The following HPS1 variants were observed in gnomAD, a reference collection of about 807,000 sequenced individuals.
HPS1 encodes HPS1 biogenesis of lysosomal organelles complex 3 subunit 1.
Under a neutral mutation model 90.6 loss-of-function variants are expected in HPS1, and 59 were observed. The observed-to-expected ratio is 0.65, with a 90% CI of 0.53 to 0.81. The LOEUF (loss-of-function observed/expected upper bound fraction) is 0.81, where lower values mean the gene tolerates loss of function less well. Among genes scored for constraint, HPS1 ranks in the 30% least tolerant of loss-of-function variants. HPS1 has a pLI of 0.00. For missense variants in HPS1, 849 were observed against 896.7 expected, an observed-to-expected ratio of 0.95 and a Z score of 0.68; for synonymous variants, 388 against 384.4, an observed-to-expected ratio of 1.01 and a Z score of -0.11.
At chr10:98,424,041 C>G (rs1845267097) in intron 14 of HPS1, among the ~76,000 whole-genome samples, 154 bp from the exon 15 acceptor site, 2 of 152,066 alleles carry the variant, frequency 1.3e-5, no homozygotes, top group South Asian at 2.1e-4. Context: ...GACAGACCAA[C>G]CTGGGGAGCC....
intron 18 of HPS1, among the ~76,000 whole-genome samples, chr10:98,419,045 G>A (rs759592847): frequency 1.2e-4 from 18 of 152,182 alleles, no homozygotes; most frequent in Non-Finnish European, 2.4e-4. Flanking sequence ...TGGCCATGGC[G>A]TCTGATCTCC....
chr10:98,429,436 C>T, intron 10 of HPS1, 137 bp downstream of exon 10: 1 of 1,559,722 alleles, frequency 6.4e-7, no homozygotes, highest in Non-Finnish European at 8.7e-7. Flanking sequence ...AGACAGCGTC[C>T]TGTGCTCTAG....
At chr10:98,415,809 CTG>C (rs1844030966), downstream of HPS1, among the ~76,000 whole-genome samples, 1 of 152,232 alleles carries the variant, frequency 6.6e-6, no homozygotes, top group African/African-American at 2.4e-5. Context: ...AGTTCGCTGT[CTG>C]TAATTCTCTG....
chr10:98,442,859 C>T (rs558428257), intron 3 of HPS1: 10 of 484,684 alleles, frequency 2.1e-5, no homozygotes, highest in East Asian at 7.9e-5. Flanking sequence ...TCTTCTGTTA[C>T]GTGATAAAAT....
At chr10:98,415,082 CG>C, downstream of HPS1, 1 of 1,614,078 alleles carries the variant, frequency 6.2e-7, no homozygotes, top group Middle Eastern at 1.6e-4. Flanking sequence ...GTCTCCACGC[CG>C]GGAAGGGAGA....
rs774731641 is a variant in HPS1, at chr10:98,429,848, C to T, written c.810G>A (p.Val270=). 1.9e-6 allele frequency: 3 copies of T among 1,613,510 alleles called. No homozygotes were observed. The highest frequency in any genetic ancestry group is 3.3e-5 in the Admixed American group (2 of 60,028). ...TGGAGTGAGGGCTCCAGGCCTGCTG[C>T]ACGGGGATGTTCTGGCTGCTCCGGG... The part of the protein sequence containing the change: ...RRARSSQNIP[V]QQAWSPHSTG... The change falls in exon 9 of 20, where the codon GTG becomes GTA. Residue 270 remains valine, a synonymous_variant. Coordinates refer to ENST00000361490, the MANE Select transcript of HPS1 (RefSeq NM_000195.5).
At chr10:98,427,124 G>A in intron 11 of HPS1, 91 bp downstream of exon 11, 2 of 1,109,294 alleles carry the variant, frequency 1.8e-6, no homozygotes, top group Non-Finnish European at 1.3e-6. Context: ...CACGGGTAGA[G>A]TCACCCTGGA....
chr10:98,429,398 G>A (rs146606153), intron 10 of HPS1, 175 bp downstream of exon 10: 2 of 1,534,678 alleles, frequency 1.3e-6, no homozygotes, highest in Non-Finnish European at 1.7e-6. Flanking sequence ...AGTTCAGGCT[G>A]GAGCTGGCAG....
At chr10:98,415,036 C>G (rs1370655929), downstream of HPS1, 14 of 1,613,810 alleles carry the variant, frequency 8.7e-6, no homozygotes, top group Non-Finnish European at 1.1e-5. Flanking sequence ...GCATCATACT[C>G]AGGCTTCAGA....
chr10:98,430,835 A>C (rs1297466696), intron 7 of HPS1, among the ~76,000 whole-genome samples, 165 bp from the exon 8 acceptor site: 1 of 152,238 alleles, frequency 6.6e-6, no homozygotes, highest in Admixed American at 6.5e-5. Flanking sequence ...TTTCAAAATA[A>C]AACTTGGTTG....
intron 18 of HPS1, among the ~76,000 whole-genome samples, chr10:98,418,470 G>C (rs1213180994): frequency 6.6e-6 from 1 of 152,334 alleles, no homozygotes; most frequent in Middle Eastern, 3.4e-3. Context: ...GGGCCGGCAG[G>C]GTAGCTCTCA....
At chr10:98,429,730 T>C (rs1846125277) in intron 9 of HPS1, 61 bp downstream of exon 9, 1 of 1,613,754 alleles carries the variant, frequency 6.2e-7, no homozygotes, top group Admixed American at 1.7e-5. Flanking sequence ...GGGAAAGGCC[T>C]GGTCGCCTGC....
At chr10:98,440,164 C>T (rs1376226742) in intron 3 of HPS1, among the ~76,000 whole-genome samples, 3 of 152,084 alleles carry the variant, frequency 2.0e-5, no homozygotes, top group African/African-American at 7.2e-5. Flanking sequence ...TGGACTAATA[C>T]AGGGGAGATA....
intron 16 of HPS1, 42 bp from the exon 17 acceptor site, chr10:98,422,555 G>T: frequency 1.9e-6 from 3 of 1,606,388 alleles, no homozygotes; most frequent in Non-Finnish European, 2.6e-6. Context: ...AGGAGCTAGG[G>T]ACGGCCTGCC....
rs114653746 is a variant in HPS1, at chr10:98,430,050, G to A, written c.769-161C>T. Among the ~76,000 whole-genome samples, 1,895 of 152,260 alleles carry A rather than the reference G, an allele frequency of 0.012. 49 individuals carry two copies. Among genetic ancestry groups the A allele is most frequent in the African/African-American group, 0.042 (1,756 of 41,552 alleles). On this transcript the variant is annotated intron_variant, in intron 8 of 19. Coordinates refer to ENST00000361490, the MANE Select transcript of HPS1 (RefSeq NM_000195.5). ...TGGTCCTCAGACTTCCCAGGGATTC[G>A]ATTCTAGGCGGTCTGTTCTGTGGAA... is the stretch of plus-strand genomic sequence containing the variant.
intron 17 of HPS1, chr10:98,420,471 T>C: frequency 2.8e-6 from 1 of 360,812 alleles, no homozygotes; most frequent in South Asian, 2.2e-5. Flanking sequence ...CCTAGCACTT[T>C]GGGAGGCTGA....
Position 98,425,680 on chromosome 10 carries a change from A to G in HPS1, c.1196T>C (p.Met399Thr), listed in dbSNP as rs749222623. The change falls in exon 13 of 20, where the codon ATG becomes ACG. Residue 399 changes from methionine (M) to threonine (T), a missense_variant. Met to Thr is a moderately conservative substitution (Grantham distance 81, BLOSUM62 -1). Coordinates refer to ENST00000361490, the MANE Select transcript of HPS1 (RefSeq NM_000195.5). Reference protein sequence around the residue: ...APLALVLSQLMDGFSMLEKKL... With the variant: ...APLALVLSQLTDGFSMLEKKL... ...CTTCTCCAGCATGGAGAAGCCATCC[A>G]TCAGCTGGGACAGAACCAGGGCCAG... is the stretch of plus-strand genomic sequence containing the variant. The G allele has an allele frequency of 1.4e-5, 23 of 1,613,354 alleles. No individual in the cohort carries two copies. In the East Asian group the frequency reaches 2.5e-4, roughly 17 times the overall value.
intron 16 of HPS1, 130 bp from the exon 17 acceptor site, chr10:98,422,643 C>T (rs1845043757): frequency 1.1e-6 from 1 of 902,712 alleles, no homozygotes; most frequent in African/African-American, 1.6e-5. Context: ...GCTTCCATTT[C>T]AGCTAAGCCC....
intron 5 of HPS1, among the ~76,000 whole-genome samples, chr10:98,434,332 C>T (rs1259739985): frequency 6.6e-6 from 1 of 151,908 alleles, no homozygotes; most frequent in Non-Finnish European, 1.5e-5. Flanking sequence ...GCCTCTGTCA[C>T]ACAAACACAT....
Sources: gnomAD v4.1 joint callset for allele counts (sites outside exome capture counted in the v4.1 genomes callset) on GRCh38, gnomAD v4.1.1 for gene constraint, MANE v1.5 for transcripts, NCBI Gene and HGNC (gene_info 2026-07-23, HGNC 2026-07-21) for gene names.